The following TOX3 variants were observed in gnomAD, a reference collection of about 807,000 sequenced individuals.
TOX3 encodes TOX high mobility group box family member 3.
Under a neutral mutation model 64.3 loss-of-function variants are expected in TOX3, and 22 were observed. The observed-to-expected ratio is 0.34, with a 90% CI of 0.24 to 0.49. The LOEUF (loss-of-function observed/expected upper bound fraction) is 0.49, where lower values mean the gene tolerates loss of function less well. Among genes scored for constraint, TOX3 ranks in the 20% least tolerant of loss-of-function variants. TOX3 has a pLI of 0.99. For missense variants in TOX3, 661 were observed against 714.4 expected, an observed-to-expected ratio of 0.93 and a Z score of 0.85; for synonymous variants, 291 against 273.6, an observed-to-expected ratio of 1.06 and a Z score of -0.63.
chr16:52,440,689 T>C (rs1210738418), intron 6 of TOX3, among the ~76,000 whole-genome samples: 1 of 152,056 alleles, frequency 6.6e-6, no homozygotes, highest in Non-Finnish European at 1.5e-5. Context: ...GGCAAGTTAA[T>C]TTACTCATCT....
At chr16:52,442,543 G>T (rs1216618180) in intron 6 of TOX3, among the ~76,000 whole-genome samples, 1 of 152,172 alleles carries the variant, frequency 6.6e-6, no homozygotes, top group African/African-American at 2.4e-5. Context: ...GCTCTAGAGA[G>T]ACATCAATTG....
intron 6 of TOX3, 127 bp downstream of exon 6, chr16:52,444,149 G>T: frequency 1.6e-6 from 1 of 645,066 alleles, no homozygotes; most frequent in Non-Finnish European, 2.6e-6. Context: ...AAACGCCTAA[G>T]TTTACAAGTT....
intron 1 of TOX3, among the ~76,000 whole-genome samples, chr16:52,500,805 A>G (rs2151464321): frequency 6.6e-6 from 1 of 152,330 alleles, no homozygotes; most frequent in Admixed American, 6.5e-5. Context: ...TAATCTAACT[A>G]CAGACATGTT....
intron 2 of TOX3, among the ~76,000 whole-genome samples, chr16:52,465,952 G>A (rs573206493): frequency 1.3e-5 from 2 of 152,232 alleles, no homozygotes; most frequent in South Asian, 2.1e-4. Flanking sequence ...GACCCCAAAA[G>A]CTGTCAGTTT....
rs759846240 is a variant in TOX3 at position 52,439,540 on chromosome 16, T to A, written c.1416A>T (p.Gln472His). 1 of 1,457,360 alleles carries A rather than the reference T, an allele frequency of 6.9e-7. No homozygotes were observed. Among genetic ancestry groups the A allele is most frequent in the Non-Finnish European group, 9.4e-7 (1 of 1,059,060 alleles). 90.3% of individuals were successfully genotyped at this position (1,457,360 alleles called of 1,614,324 possible). A position where few individuals can be genotyped will look rare whatever the true frequency, so the allele number is the denominator to read the frequency against. Residue 472 changes from glutamine (Q) to histidine (H), a missense_variant, in exon 7 of 7, where the codon CAA (glutamine) becomes CAT (histidine). Coordinates refer to ENST00000219746, the MANE Select transcript of TOX3 (RefSeq NM_001080430.4). Reference protein sequence around the residue: ...QQLQQHQMHQQIQQQMQQQHF... With the variant: ...QQLQQHQMHQHIQQQMQQQHF... Reference sequence around the variant, plus strand: ...GCTGCTGCTGCATCTGCTGCTGGATTTGCTGATGCATTTGGTGCTGCTGGA... The same window carrying A: ...GCTGCTGCTGCATCTGCTGCTGGATATGCTGATGCATTTGGTGCTGCTGGA...
chr16:52,447,674 C>T (rs1960202413), intron 4 of TOX3, among the ~76,000 whole-genome samples: 1 of 152,102 alleles, frequency 6.6e-6, no homozygotes, highest in East Asian at 1.9e-4. Context: ...TCTCTAGAGC[C>T]CATAGTCTTT....
intron 3 of TOX3, among the ~76,000 whole-genome samples, chr16:52,455,707 C>A (rs1960494437): frequency 6.6e-6 from 1 of 152,014 alleles, no homozygotes; most frequent in Non-Finnish European, 1.5e-5. Context: ...GGGGAGAAGC[C>A]AACTGTGAAG....
At chr16:52,496,742 A>G (rs1010001220) in intron 1 of TOX3, among the ~76,000 whole-genome samples, 2 of 152,218 alleles carry the variant, frequency 1.3e-5, no homozygotes, top group African/African-American at 4.8e-5. Context: ...AATGATTTTA[A>G]TCTTTTAAAT....
chr16:52,464,166 A>G lies in TOX3; in HGVS notation c.176T>C (p.Leu59Pro). Residue 59 changes from leucine to proline, a missense_variant, in exon 3 of 7, where the codon CTT becomes CCT. Leu to Pro is a moderately conservative substitution (Grantham distance 98). This residue lies in a region of TOX3 where 259 missense variants were observed against 261.2 expected (regional missense o/e 0.99). Coordinates refer to ENST00000219746, the MANE Select transcript of TOX3 (RefSeq NM_001080430.4). ...TGGAATTTCGAATTCCTCGTCCCCA[A>G]GGCTTGGTGTGTGGAATGTCTGCTA... ...ASEQTFHTPS[L>P]GDEEFEIPPI... 1 of 1,555,700 alleles carries G rather than the reference A, an allele frequency of 6.4e-7. No individual in the cohort carries two copies. Among genetic ancestry groups the G allele is most frequent in the Non-Finnish European group, 8.7e-7 (1 of 1,149,062 alleles).
At chr16:52,545,262 C>T (rs1963150285) in intron 1 of TOX3, among the ~76,000 whole-genome samples, 1 of 152,184 alleles carries the variant, frequency 6.6e-6, no homozygotes, top group African/African-American at 2.4e-5. Flanking sequence ...GCTCCAACCA[C>T]CAAAGGGTTA....
chr16:52,484,494 G>A (rs150181585), intron 1 of TOX3, among the ~76,000 whole-genome samples: 6 of 152,032 alleles, frequency 3.9e-5, no homozygotes, highest in African/African-American at 9.6e-5. Context: ...AATCTCCATC[G>A]GCATGAAGCA....
intron 1 of TOX3, among the ~76,000 whole-genome samples, chr16:52,495,062 T>G (rs1439683557): frequency 6.6e-6 from 1 of 152,196 alleles, no homozygotes; most frequent in African/African-American, 2.4e-5. Flanking sequence ...AGGTACGTTC[T>G]TTATAAGGTC....
chr16:52,511,167 A>C (rs966169082), intron 1 of TOX3, among the ~76,000 whole-genome samples: 2 of 152,162 alleles, frequency 1.3e-5, no homozygotes, highest in Non-Finnish European at 2.9e-5. Flanking sequence ...AGTGCATCCC[A>C]TAAAAGCTGA....
At chr16:52,460,858 A>G (rs1039582882) in intron 3 of TOX3, among the ~76,000 whole-genome samples, 2 of 152,304 alleles carry the variant, frequency 1.3e-5, no homozygotes, top group South Asian at 2.1e-4. Context: ...CTTGTTCAAC[A>G]TGATTTCATT....
chr16:52,475,185 C>T (rs949589716), intron 1 of TOX3, among the ~76,000 whole-genome samples: 1 of 152,194 alleles, frequency 6.6e-6, no homozygotes, highest in Non-Finnish European at 1.5e-5. Flanking sequence ...TCTCCTCCCA[C>T]TAGAATATAA....
chr16:52,506,143 T>C (rs973261557), intron 1 of TOX3, among the ~76,000 whole-genome samples: 2 of 152,142 alleles, frequency 1.3e-5, no homozygotes, highest in East Asian at 3.9e-4. Flanking sequence ...TTTATACACA[T>C]CCAATATTTT....
At chr16:52,472,183 C>T (rs1256173996) in intron 1 of TOX3, among the ~76,000 whole-genome samples, 2 of 152,152 alleles carry the variant, frequency 1.3e-5, no homozygotes, top group African/African-American at 2.4e-5. Context: ...GTTCCTTCAT[C>T]CAACAAATAT....
At chr16:52,470,997 C>A (rs1428494966) in intron 1 of TOX3, among the ~76,000 whole-genome samples, 1 of 152,148 alleles carries the variant, frequency 6.6e-6, no homozygotes, top group Admixed American at 6.5e-5. Flanking sequence ...TGACTTGTTG[C>A]AGGCAATTGT....
At chr16:52,463,754 A>T (rs1172612796) in intron 3 of TOX3, among the ~76,000 whole-genome samples, 180 bp downstream of exon 3, 2 of 152,204 alleles carry the variant, frequency 1.3e-5, no homozygotes, top group Non-Finnish European at 2.9e-5. Context: ...GGTTACTGTC[A>T]ACCAACCCAA....
Sources: allele counts gnomAD v4.1 joint callset (sites outside exome capture counted in the v4.1 genomes callset), GRCh38; gene constraint gnomAD v4.1.1; regional missense constraint gnomAD v4.1.1; transcripts MANE v1.5; gene names NCBI Gene and HGNC (gene_info 2026-07-23, HGNC 2026-07-21).